FAAH2: variants seen among roughly 807,000 people sequenced by gnomAD.
FAAH2 encodes fatty-acid amide hydrolase 2.
A neutral mutation model predicts 36.9 loss-of-function variants in FAAH2; 60 were observed. The ratio of observed to expected loss-of-function variants is 1.63; its 90% CI spans 1.32 to 2.02. The LOEUF (loss-of-function observed/expected upper bound fraction) is 2.02, where lower values mean the gene tolerates loss of function less well. Among genes scored for constraint, FAAH2 ranks in the 30% most tolerant of loss-of-function variants. The pLI is 0.00. For missense variants in FAAH2, 689 were observed against 397.5 expected (o/e 1.73, Z -6.23); for synonymous variants, 214 against 143.8 (o/e 1.49, Z -3.49).
the FAAH2 span, among the ~76,000 whole-genome samples, chrX:57,167,342 A>G: frequency 9.0e-6 from 1 of 111,459 alleles, no homozygotes; most frequent in Non-Finnish European, 1.9e-5. Context: ...AATCTTGAAC[A>G]GTTGTCCCTC....
At chrX:57,421,344 C>G (rs1321241183) in intron 7 of FAAH2, among the ~76,000 whole-genome samples, 1 of 112,103 alleles carries the variant, frequency 8.9e-6, no homozygotes, top group African/African-American at 3.2e-5. Context: ...CTCAGCTACT[C>G]AGGTGGGTGA....
the FAAH2 span, among the ~76,000 whole-genome samples, chrX:57,238,624 G>A: frequency 9.0e-6 from 1 of 111,522 alleles, no homozygotes; most frequent in Non-Finnish European, 1.9e-5. Context: ...ACCCCTGAAC[G>A]TAAAATGAAA....
intron 8 of FAAH2, among the ~76,000 whole-genome samples, chrX:57,446,670 A>C (rs745790403): frequency 8.9e-4 from 100 of 111,937 alleles, no homozygotes; most frequent in Non-Finnish European, 1.7e-3. Flanking sequence ...GAATAGGCTC[A>C]TACGTATGTG....
chrX:57,126,496 C>A, the FAAH2 span, among the ~76,000 whole-genome samples: 2 of 111,852 alleles, frequency 1.8e-5, no homozygotes, highest in Non-Finnish European at 3.8e-5. Flanking sequence ...AGGCATTTTC[C>A]GTTGGAGGAG....
chrX:57,131,115 G>A, the FAAH2 span, among the ~76,000 whole-genome samples: 2 of 92,187 alleles, frequency 2.2e-5, no homozygotes, highest in Admixed American at 1.3e-4. Context: ...GTCTCGCTCT[G>A]TCGCCCAGGC....
intron 2 of FAAH2, among the ~76,000 whole-genome samples, chrX:57,302,005 T>A (rs2052386132): frequency 8.9e-6 from 1 of 112,416 alleles, no homozygotes; most frequent in South Asian, 3.7e-4. Context: ...CTGTTTTTCT[T>A]GCTTGCCTGG....
In FAAH2 at chrX:57,448,718, G is replaced by T; in HGVS notation, c.1423G>T (p.Gly475Cys). ...ACGGCCTTTCAACTTTGCTTACACA[G>T]GTACCTAATTGTATTCCTTACATTC... ...LTRPFNFAYT[G>C]VFSALGLPVT... Residue 475 changes from glycine (G) to cysteine (C), a missense_variant and splice_region_variant, in exon 10 of 11, where the codon GGT (glycine) becomes TGT (cysteine). Physicochemically the swap from Gly to Cys is radical, Grantham distance 159. Coordinates refer to ENST00000374900, the MANE Select transcript of FAAH2 (RefSeq NM_174912.4). 1 of 1,186,911 alleles carries T rather than the reference G, an allele frequency of 8.4e-7. No individual in the cohort carries two copies. Among genetic ancestry groups the T allele is most frequent in the East Asian group, 3.0e-5 (1 of 33,532 alleles).
At chrX:57,338,999 C>A (rs776540574) in intron 4 of FAAH2, among the ~76,000 whole-genome samples, 1 of 111,471 alleles carries the variant, frequency 9.0e-6, no homozygotes, top group East Asian at 2.8e-4. Flanking sequence ...CATCATGGTA[C>A]CCAACTTCCA....
At chrX:57,396,828 ATGT>A (rs919996950) in intron 7 of FAAH2, among the ~76,000 whole-genome samples, 1 of 112,101 alleles carries the variant, frequency 8.9e-6, no homozygotes, top group African/African-American at 3.2e-5. Flanking sequence ...ACATTGTCAA[ATGT>A]TGTGTAAATA....
At chrX:57,427,246 A>G (rs73224073) in intron 7 of FAAH2, among the ~76,000 whole-genome samples, 5,333 of 110,632 alleles carry the variant, frequency 0.048, 169 homozygotes, top group Non-Finnish European at 0.077. Context: ...TAATAATAAT[A>G]TTAAAAAACT....
At chrX:57,375,226 A>G (rs1194457680) in intron 5 of FAAH2, among the ~76,000 whole-genome samples, 1 of 109,464 alleles carries the variant, frequency 9.1e-6, no homozygotes, top group Non-Finnish European at 1.9e-5. Context: ...ATTAGGTGAT[A>G]CTGGCTTCAC....
chrX:57,206,206 A>G, the FAAH2 span, among the ~76,000 whole-genome samples: 30 of 112,348 alleles, frequency 2.7e-4, no homozygotes, highest in African/African-American at 9.7e-4. Flanking sequence ...AGGATAGAAA[A>G]TAGATTACTC....
At chrX:57,427,743 G>A (rs955470968) in intron 7 of FAAH2, among the ~76,000 whole-genome samples, 3 of 111,312 alleles carry the variant, frequency 2.7e-5, no homozygotes, top group African/African-American at 9.8e-5. Context: ...AGGCATAGAA[G>A]GAACGTACCT....
the FAAH2 span, chrX:57,134,477 T>C: frequency 9.0e-6 from 1 of 110,763 alleles, no homozygotes; most frequent in South Asian, 3.9e-4. Flanking sequence ...GAGCCACCTA[T>C]GGTTTCAGGC....
At chrX:57,210,506 C>CTTGG in the FAAH2 span, among the ~76,000 whole-genome samples, 1 of 111,623 alleles carries the variant, frequency 9.0e-6, no homozygotes, top group Non-Finnish European at 1.9e-5. Flanking sequence ...TAAAAAGAAG[C>CTTGG]CAAGCATCAT....
chrX:57,393,930 C>A, intron 7 of FAAH2: 1 of 952,295 alleles, frequency 1.1e-6, no homozygotes, highest in South Asian at 1.9e-5. Context: ...GTGGTAGAGT[C>A]AGTCTTGTCA....
In FAAH2 at chrX:57,295,524, C is replaced by T. The variant is rs147658256; in HGVS notation, c.275+2944C>T. ...AACAACTCCAGTCTACAGTTCCCAG[C>T]GTAAGCGACGCAGAAGATGGGTGAT... On this transcript the variant is annotated intron_variant, in intron 2 of 10. Coordinates refer to ENST00000374900, the MANE Select transcript of FAAH2 (RefSeq NM_174912.4). Among the ~76,000 whole-genome samples, 176 of 112,014 alleles carry T rather than the reference C, an allele frequency of 1.6e-3. 1 individual carries two copies. Among genetic ancestry groups the T allele is most frequent in the African/African-American group, 5.2e-3 (161 of 30,861 alleles).
intron 4 of FAAH2, among the ~76,000 whole-genome samples, chrX:57,339,342 A>T (rs1053772399): frequency 6.2e-5 from 7 of 112,260 alleles, no homozygotes; most frequent in African/African-American, 2.3e-4. Context: ...ACCATTCAGG[A>T]CGTAGGCATG....
At chrX:57,144,789 G>A in the FAAH2 span, among the ~76,000 whole-genome samples, 1 of 110,322 alleles carries the variant, frequency 9.1e-6, no homozygotes, top group Non-Finnish European at 1.9e-5. Flanking sequence ...TTTTATTCCC[G>A]AGTTACTTCA....
Sources: gnomAD v4.1 joint callset for allele counts (sites outside exome capture counted in the v4.1 genomes callset) on GRCh38, gnomAD v4.1.1 for gene constraint, MANE v1.5 for transcripts, NCBI Gene and HGNC (gene_info 2026-07-23, HGNC 2026-07-21) for gene names.